Variants in BST1 observed in about 807,000 individuals in gnomAD.
BST1 encodes ADP-ribosyl cyclase/cyclic ADP-ribose hydrolase 2.
In BST1, 49 loss-of-function variants were observed where a neutral mutation model predicts 40.6. The observed-to-expected ratio is 1.21, with a 90% CI of 0.96 to 1.53. The LOEUF is 1.53. Ranked by LOEUF, BST1 falls within the 40% of genes most tolerant of loss-of-function variation. BST1 has a pLI of 0.00. For missense variants in BST1, 423 were observed against 395.9 expected (o/e 1.07, Z -0.58); for synonymous variants, 157 against 159.3 (o/e 0.99, Z 0.11).
At chr4:15,773,334 G>C in the BST1 span, among the ~76,000 whole-genome samples, 1 of 152,244 alleles carries the variant, frequency 6.6e-6, no homozygotes, top group East Asian at 1.9e-4. Context: ...GACCAGAAGA[G>C]GAGCTGGTTT....
the BST1 span, among the ~76,000 whole-genome samples, chr4:15,754,211 C>A: frequency 3.3e-5 from 5 of 152,104 alleles, no homozygotes; most frequent in African/African-American, 4.8e-5. Flanking sequence ...CCACGAAGAC[C>A]CCCGGAAATA....
downstream of BST1, among the ~76,000 whole-genome samples, chr4:15,740,171 G>A (rs1330337625): frequency 2.0e-5 from 3 of 151,974 alleles, no homozygotes; most frequent in Non-Finnish European, 4.4e-5. Context: ...CTCATGCCTC[G>A]GCCTCCCTAG....
chr4:15,708,844 G>A (rs1311061256), intron 3 of BST1, among the ~76,000 whole-genome samples: 1 of 152,084 alleles, frequency 6.6e-6, no homozygotes, highest in Non-Finnish European at 1.5e-5. Flanking sequence ...TCATACCACT[G>A]CACTCCAGCC....
chr4:15,764,873 G>GGTGTGT, the BST1 span, among the ~76,000 whole-genome samples: 6 of 137,376 alleles, frequency 4.4e-5, no homozygotes, highest in East Asian at 2.4e-4. Flanking sequence ...AATTAGGTGA[G>GGTGTGT]GTGTGTGTGT....
intron 8 of BST1, among the ~76,000 whole-genome samples, chr4:15,726,577 T>C (rs1349953755): frequency 6.6e-6 from 1 of 152,166 alleles, no homozygotes; most frequent in African/African-American, 2.4e-5. Flanking sequence ...CAAAGATTAG[T>C]GGTATAGACT....
At chr4:15,746,236 G>T in the BST1 span, among the ~76,000 whole-genome samples, 2 of 152,204 alleles carry the variant, frequency 1.3e-5, no homozygotes, top group African/African-American at 2.4e-5. Context: ...TTTTCCAGGG[G>T]TTAGATTGAT....
intron 1 of BST1, chr4:15,705,040 C>T: frequency 4.2e-6 from 3 of 719,204 alleles, no homozygotes; most frequent in Non-Finnish European, 5.2e-6. Flanking sequence ...GGGGCTTGCA[C>T]TGGAGGGTGC....
At chr4:15,729,678 C>G (rs1482651974) in intron 8 of BST1, among the ~76,000 whole-genome samples, 1 of 152,096 alleles carries the variant, frequency 6.6e-6, no homozygotes, top group African/African-American at 2.4e-5. Context: ...ATCAAAGTAA[C>G]TGCAAATAGT....
chr4:15,718,244 AGTGT>A (rs35788103), intron 6 of BST1, among the ~76,000 whole-genome samples: 18,612 of 148,966 alleles, frequency 0.12, 1,430 homozygotes, highest in African/African-American at 0.22. Flanking sequence ...ATGGCAGAGA[AGTGT>A]GTGTGTGTGT....
intron 1 of BST1, among the ~76,000 whole-genome samples, chr4:15,703,891 T>G (rs1719712706): frequency 1.6e-5 from 2 of 127,458 alleles, no homozygotes; most frequent in South Asian, 2.7e-4. Flanking sequence ...GTGAAGGGGG[T>G]GTGTGTGCGT....
chr4:15,762,410 A>G, the BST1 span, among the ~76,000 whole-genome samples: 1 of 151,846 alleles, frequency 6.6e-6, no homozygotes, highest in Non-Finnish European at 1.5e-5. Flanking sequence ...GTAATTGTTT[A>G]TATTTTATTA....
chr4:15,742,710 G>A (rs1162596839), downstream of BST1, among the ~76,000 whole-genome samples: 2 of 152,230 alleles, frequency 1.3e-5, no homozygotes, highest in Non-Finnish European at 2.9e-5. Flanking sequence ...TGATGAAGAA[G>A]TGGGAATTGA....
Position 15,730,959 on chromosome 4 carries a change from G to C in BST1, c.852-781G>C, listed in dbSNP as rs1054724006. On this transcript the variant is annotated intron_variant, in intron 8 of 8. Coordinates refer to ENST00000265016, the MANE Select transcript of BST1 (RefSeq NM_004334.3). ...GTAGCAGTAGAATTTATTCAAATGTGCCTTAATATAGGCACTGGGGCTTGC... is the reference window on the plus strand; with the variant it reads ...GTAGCAGTAGAATTTATTCAAATGTCCCTTAATATAGGCACTGGGGCTTGC... 6 of 402,176 alleles carry C rather than the reference G, an allele frequency of 1.5e-5. No homozygotes were observed. The Admixed American group carries it at 1.8e-4, about 12-fold the overall frequency. The allele number at this position is 402,176 out of a possible 1,614,324, so 24.9% of individuals were successfully genotyped here.
At chr4:15,767,186 T>G in the BST1 span, among the ~76,000 whole-genome samples, 52,113 of 150,594 alleles carry the variant, frequency 0.35, 9,267 homozygotes, top group South Asian at 0.41. Context: ...AGAAAATGGA[T>G]ATGCCCGAAC....
chr4:15,710,399 T>C (rs1376325196), intron 3 of BST1, among the ~76,000 whole-genome samples: 1 of 152,228 alleles, frequency 6.6e-6, no homozygotes, highest in Non-Finnish European at 1.5e-5. Context: ...GTAATTAGCA[T>C]ATCAATCATC....
the BST1 span, among the ~76,000 whole-genome samples, chr4:15,762,203 A>T: frequency 6.7e-6 from 1 of 150,366 alleles, no homozygotes; most frequent in Non-Finnish European, 1.5e-5. Flanking sequence ...AAAAAAAAAA[A>T]AAAAAAAAAA....
chr4:15,743,645 T>C, the BST1 span: 4 of 290,094 alleles, frequency 1.4e-5, no homozygotes, highest in Admixed American at 1.8e-4. Context: ...GGCAGAGTGG[T>C]CTGTGCAGGG....
At chr4:15,752,301 G>A in the BST1 span, among the ~76,000 whole-genome samples, 1 of 152,130 alleles carries the variant, frequency 6.6e-6, no homozygotes, top group Non-Finnish European at 1.5e-5. Context: ...GCTAGGCTGG[G>A]GCTATGGTTT....
intron 7 of BST1, among the ~76,000 whole-genome samples, chr4:15,719,248 C>T (rs1168972652): frequency 6.6e-6 from 1 of 152,034 alleles, no homozygotes; most frequent in Non-Finnish European, 1.5e-5. Flanking sequence ...TTTGCTCATG[C>T]CCAGTTCTCT....
Sources: gnomAD v4.1 joint callset for allele counts (sites outside exome capture counted in the v4.1 genomes callset) on GRCh38, gnomAD v4.1.1 for gene constraint, MANE v1.5 for transcripts, NCBI Gene and HGNC (gene_info 2026-07-23, HGNC 2026-07-21) for gene names.